The following PDIA5 variants were observed in gnomAD, a reference collection of about 807,000 sequenced individuals.
PDIA5 encodes the protein protein disulfide isomerase family A member 5, also known as protein disulfide-isomerase A5.
A neutral mutation model predicts 77.6 loss-of-function variants in PDIA5; 58 were observed. The ratio of observed to expected loss-of-function variants is 0.75; its 90% CI spans 0.61 to 0.93. The LOEUF is 0.93. PDIA5 is among the 40% of genes least tolerant of loss of function. PDIA5 has a pLI of 0.00. For synonymous variants in PDIA5, 250 were observed against 252.1 expected (o/e 0.99, Z 0.08); for missense variants, 630 against 647.7 (o/e 0.97, Z 0.30).
intron 1 of PDIA5, among the ~76,000 whole-genome samples, chr3:123,076,562 CAG>C (rs1172784399): frequency 1.3e-5 from 2 of 152,188 alleles, no homozygotes; most frequent in Non-Finnish European, 2.9e-5. Flanking sequence ...AGGGTGGAAA[CAG>C]TGGCTTAGAC....
intron 15 of PDIA5, among the ~76,000 whole-genome samples, chr3:123,157,598 C>T (rs905030683): frequency 1.8e-4 from 27 of 152,374 alleles, no homozygotes; most frequent in African/African-American, 6.5e-4. Flanking sequence ...AAGCCAGCCC[C>T]TGTTCCTATC....
intron 15 of PDIA5, among the ~76,000 whole-genome samples, chr3:123,158,883 C>G (rs1231527256): frequency 6.6e-6 from 1 of 152,190 alleles, no homozygotes; most frequent in Non-Finnish European, 1.5e-5. Context: ...CTGAGAAGAG[C>G]TTTATTCGCT....
intron 10 of PDIA5, among the ~76,000 whole-genome samples, chr3:123,127,339 C>G (rs1370771661): frequency 2.6e-5 from 4 of 152,228 alleles, no homozygotes; most frequent in African/African-American, 9.6e-5. Flanking sequence ...TGCATTTCCT[C>G]ACTCCCATTG....
chr3:123,145,973 G>C, intron 12 of PDIA5, 126 bp from the exon 13 acceptor site: 1 of 858,624 alleles, frequency 1.2e-6, no homozygotes, highest in Non-Finnish European at 1.9e-6. Context: ...GAGCCCACTG[G>C]GCTAGCCACC....
intron 4 of PDIA5, 127 bp from the exon 5 acceptor site, chr3:123,102,624 T>C: frequency 2.8e-6 from 3 of 1,076,446 alleles, no homozygotes; most frequent in Non-Finnish European, 4.2e-6. Flanking sequence ...TTTACAATTA[T>C]TTCTTTTAAA....
chr3:123,105,525 G>A (rs1545325), intron 5 of PDIA5, among the ~76,000 whole-genome samples: 1 of 151,910 alleles, frequency 6.6e-6, no homozygotes, highest in African/African-American at 2.4e-5. Context: ...TTGCCAGGAG[G>A]CGTTTCACAG....
intron 11 of PDIA5, 82 bp from the exon 12 acceptor site, chr3:123,145,440 G>GCTGC: frequency 1.0e-6 from 1 of 959,794 alleles, no homozygotes; most frequent in Non-Finnish European, 1.7e-6. Flanking sequence ...ATGGGACTGA[G>GCTGC]CTGCCTTACA....
intron 13 of PDIA5, among the ~76,000 whole-genome samples, chr3:123,148,115 G>C (rs531058536): frequency 1.3e-5 from 2 of 152,188 alleles, no homozygotes; most frequent in Admixed American, 1.3e-4. Context: ...AGAGACCTGG[G>C]CTGAGATCGT....
At chr3:123,089,132 G>C (rs968961597) in intron 1 of PDIA5, 36 bp from the exon 2 acceptor site, 1 of 1,601,466 alleles carries the variant, frequency 6.2e-7, no homozygotes, top group African/African-American at 1.3e-5. Context: ...CCAGCCAGAA[G>C]CTGGAACTCA....
At chr3:123,078,144 C>T (rs72974431) in intron 1 of PDIA5, among the ~76,000 whole-genome samples, 1,647 of 152,318 alleles carry the variant, frequency 0.011, 30 homozygotes, top group African/African-American at 0.037. Flanking sequence ...CTCATCAAAA[C>T]CATTCTACAA....
chr3:123,141,821 C>A (rs1935644427), intron 11 of PDIA5, among the ~76,000 whole-genome samples: 1 of 152,156 alleles, frequency 6.6e-6, no homozygotes, highest in Admixed American at 6.5e-5. Flanking sequence ...CAGATTATTC[C>A]ATTTACTCCT....
At chr3:123,125,936 C>T (rs1935238974) in intron 10 of PDIA5, among the ~76,000 whole-genome samples, 1 of 152,106 alleles carries the variant, frequency 6.6e-6, no homozygotes, top group Non-Finnish European at 1.5e-5. Flanking sequence ...TAAGCGTGTC[C>T]TCTCCTCTAT....
intron 14 of PDIA5, among the ~76,000 whole-genome samples, chr3:123,152,171 G>C: frequency 6.7e-6 from 1 of 149,480 alleles, no homozygotes; most frequent in Non-Finnish European, 1.5e-5. Flanking sequence ...CAGCCTGCCT[G>C]CCTTCCCGCC....
rs780176648 is a variant in PDIA5, at chr3:123,124,084, G to A, written c.628G>A (p.Val210Ile). Reference protein sequence around the residue: ...RGHAVLAGMNVYSSEFENIKE... With the variant: ...RGHAVLAGMNIYSSEFENIKE... ...CTCCCAGGTGCTGGCCGGGATGAAT[G>A]TCTACTCCTCTGAATTTGAAAACAT... is the stretch of plus-strand genomic sequence containing the variant. Residue 210 changes from valine to isoleucine, a missense_variant, in exon 9 of 17, where the codon GTC becomes ATC. Transcript: ENST00000316218. 5.0e-6 allele frequency: 8 copies of A among 1,613,958 alleles called. No homozygotes were observed. The Admixed American group carries it at 1.3e-4, about 27-fold the overall frequency.
At chr3:123,103,224 G>C (rs978458716) in intron 5 of PDIA5, among the ~76,000 whole-genome samples, 1 of 152,120 alleles carries the variant, frequency 6.6e-6, no homozygotes, top group Non-Finnish European at 1.5e-5. Context: ...ATGAGATATG[G>C]GTATCATTGA....
At chr3:123,150,159 A>G (rs982057549) in intron 13 of PDIA5, 75 bp from the exon 14 acceptor site, 6 of 1,064,720 alleles carry the variant, frequency 5.6e-6, no homozygotes, top group Non-Finnish European at 7.0e-6. Flanking sequence ...TGGTTGGGAC[A>G]TTGAGGGTGG....
intron 11 of PDIA5, among the ~76,000 whole-genome samples, chr3:123,139,651 T>C (rs185938207): frequency 6.6e-6 from 1 of 152,234 alleles, no homozygotes; most frequent in African/African-American, 2.4e-5. Flanking sequence ...GGGATGTGCA[T>C]AGTAACTGGC....
At chr3:123,152,151 TTCTGCCTTCCAG>T (rs1935929954) in intron 14 of PDIA5, among the ~76,000 whole-genome samples, 1 of 141,852 alleles carries the variant, frequency 7.0e-6, no homozygotes, top group Non-Finnish European at 1.5e-5. Context: ...CTGCCTTCCT[TTCTGCCTTCCAG>T]CCTGCCTGCC....
At chr3:123,089,613 G>C (rs774407838) in intron 2 of PDIA5, among the ~76,000 whole-genome samples, 8 of 152,278 alleles carry the variant, frequency 5.3e-5, no homozygotes, top group Non-Finnish European at 8.8e-5. Context: ...ACTGGGCATG[G>C]ATGTCCTGGC....
Sources: gnomAD v4.1 joint callset for allele counts (sites outside exome capture counted in the v4.1 genomes callset) on GRCh38, gnomAD v4.1.1 for gene constraint, MANE v1.5 for transcripts, NCBI Gene and HGNC (gene_info 2026-07-23, HGNC 2026-07-21) for gene names.